CACNB4: variants seen among roughly 807,000 people sequenced by gnomAD.
CACNB4 encodes the protein calcium voltage-gated channel auxiliary subunit beta 4.
Under a neutral mutation model 71.2 loss-of-function variants are expected in CACNB4, and 32 were observed. That is an observed-to-expected ratio of 0.45 (90% CI 0.34 to 0.60). The LOEUF is 0.60. Among genes scored for constraint, CACNB4 ranks in the 20% least tolerant of loss-of-function variants. The pLI is 0.01. For missense variants in CACNB4, 464 were observed against 647.9 expected, an observed-to-expected ratio of 0.72 and a Z score of 3.08; for synonymous variants, 231 against 236.9, an observed-to-expected ratio of 0.97 and a Z score of 0.23.
intron 2 of CACNB4, among the ~76,000 whole-genome samples, chr2:152,085,293 G>T (rs1051456185): frequency 6.6e-6 from 1 of 152,138 alleles, no homozygotes; most frequent in Non-Finnish European, 1.5e-5. Context: ...CGGCTGCTTT[G>T]TTGGGGTGCG....
chr2:151,902,481 C>A (rs575124481), intron 2 of CACNB4, among the ~76,000 whole-genome samples: 3 of 152,186 alleles, frequency 2.0e-5, no homozygotes, highest in African/African-American at 7.2e-5. Flanking sequence ...CTACTTATAC[C>A]TAAACAACTA....
At chr2:151,915,559 G>A (rs1354295936) in intron 2 of CACNB4, among the ~76,000 whole-genome samples, 2 of 152,184 alleles carry the variant, frequency 1.3e-5, no homozygotes, top group Non-Finnish European at 2.9e-5. Flanking sequence ...GAATGTGCTC[G>A]TGGCCAGGCA....
At chr2:151,992,708 C>T (rs1259338586) in intron 2 of CACNB4, among the ~76,000 whole-genome samples, 3 of 152,182 alleles carry the variant, frequency 2.0e-5, no homozygotes, top group Non-Finnish European at 2.9e-5. Flanking sequence ...GCCACCATTG[C>T]AATCAGGAAG....
At chr2:151,842,138 A>T (rs1210461474) in intron 12 of CACNB4, 50 bp from the exon 13 acceptor site, 2 of 1,498,190 alleles carry the variant, frequency 1.3e-6, no homozygotes, top group Non-Finnish European at 1.9e-6. Context: ...GTTTTAGGCA[A>T]TGAAACCTAA....
chr2:152,010,911 G>C (rs951334340), intron 2 of CACNB4, among the ~76,000 whole-genome samples: 6 of 152,220 alleles, frequency 3.9e-5, no homozygotes, highest in African/African-American at 1.2e-4. Flanking sequence ...TCCTGTAAGA[G>C]ATGGTGAGGG....
At chr2:151,899,419 AC>A (rs1164061751) in intron 2 of CACNB4, among the ~76,000 whole-genome samples, 1 of 152,110 alleles carries the variant, frequency 6.6e-6, no homozygotes, top group African/African-American at 2.4e-5. Flanking sequence ...CCCTTATATA[AC>A]TTCCCCAGGG....
intron 2 of CACNB4, among the ~76,000 whole-genome samples, chr2:152,092,430 G>A (rs1294784113): frequency 2.0e-5 from 3 of 152,122 alleles, no homozygotes; most frequent in African/African-American, 7.2e-5. Context: ...AAATCTGAAT[G>A]TTTTAGATCT....
intron 2 of CACNB4, among the ~76,000 whole-genome samples, chr2:151,928,643 G>C (rs184990875): frequency 1.6e-4 from 24 of 152,178 alleles, no homozygotes; most frequent in African/African-American, 5.8e-4. Flanking sequence ...AAACAAAAAG[G>C]CTGGGTGCAG....
intron 2 of CACNB4, among the ~76,000 whole-genome samples, chr2:152,024,501 C>T (rs1683857127): frequency 6.6e-6 from 1 of 152,148 alleles, no homozygotes; most frequent in African/African-American, 2.4e-5. Context: ...GCATAGACAA[C>T]AATGTAATTT....
chr2:151,868,604 C>A (rs546482135), intron 9 of CACNB4: 1 of 151,978 alleles, frequency 6.6e-6, no homozygotes, highest in Non-Finnish European at 1.5e-5. Flanking sequence ...AAAAAAAGAT[C>A]AATAAAATAA....
intron 2 of CACNB4, among the ~76,000 whole-genome samples, chr2:151,890,435 A>T (rs572216239): frequency 1.6e-4 from 25 of 152,334 alleles, no homozygotes; most frequent in Admixed American, 2.6e-4. Context: ...ATCAACCCTA[A>T]GAAGTAAGTT....
At chr2:151,942,456 CAT>C (rs780006161) in intron 2 of CACNB4, among the ~76,000 whole-genome samples, 10 of 149,054 alleles carry the variant, frequency 6.7e-5, no homozygotes, top group East Asian at 3.9e-4. Context: ...GATTGTAAAA[CAT>C]GTGTGTTTGA....
At chr2:151,870,793 G>GTA in intron 7 of CACNB4, 49 bp downstream of exon 7, 1 of 1,480,060 alleles carries the variant, frequency 6.8e-7, no homozygotes, top group Non-Finnish European at 9.4e-7. Flanking sequence ...TTGCAGGCAT[G>GTA]TATATATAGG....
chr2:151,980,791 A>G (rs2099874586), intron 2 of CACNB4, among the ~76,000 whole-genome samples: 1 of 152,238 alleles, frequency 6.6e-6, no homozygotes, highest in Non-Finnish European at 1.5e-5. Flanking sequence ...TCCTGTTCAG[A>G]TTCAGATTCT....
chr2:152,029,507 AAAAAG>A lies in CACNB4; in HGVS notation c.147+68818_147+68822del, dbSNP rs70974818. On this transcript the variant is annotated intron_variant, in intron 2 of 13. Transcript: ENST00000539935. ...AGACTCGATCTCAAAAAAAAAAAAA[AAAAAG>A]AAAAGAAAAGAAAAGAAAAGAAAAG... Among the ~76,000 whole-genome samples the A allele has an allele frequency of 8.1e-3, 853 of 104,692 alleles. 2 individuals are homozygous for A. The highest frequency in any genetic ancestry group is 0.014 in the Middle Eastern group (3 of 218). The allele number at this position is 104,692 out of a possible 152,430, so 68.7% of individuals were successfully genotyped here. A position where few individuals can be genotyped will look rare whatever the true frequency, so the allele number is the denominator to read the frequency against.
At chr2:151,842,818 G>A (rs1180990717) in intron 12 of CACNB4, among the ~76,000 whole-genome samples, 2 of 152,064 alleles carry the variant, frequency 1.3e-5, no homozygotes, top group African/African-American at 4.8e-5. Flanking sequence ...GACATGTTTT[G>A]GGCAATGACC....
chr2:151,953,651 C>T (rs2099867485), intron 2 of CACNB4, among the ~76,000 whole-genome samples: 1 of 152,048 alleles, frequency 6.6e-6, no homozygotes, highest in Non-Finnish European at 1.5e-5. Flanking sequence ...TTTACAAACA[C>T]AAAGTCCATC....
intron 4 of CACNB4, among the ~76,000 whole-genome samples, chr2:151,877,589 G>A (rs763602505): frequency 2.6e-5 from 4 of 152,116 alleles, no homozygotes; most frequent in East Asian, 1.9e-4. Context: ...AAAATTCCAC[G>A]ATACTATCTG....
At chr2:151,963,311 C>CAAAAA in intron 2 of CACNB4, among the ~76,000 whole-genome samples, 1 of 60,394 alleles carries the variant, frequency 1.7e-5, no homozygotes, top group Non-Finnish European at 3.3e-5. Flanking sequence ...GACACCGTCT[C>CAAAAA]AAAAAAAAAA....
Sources: gnomAD v4.1 joint callset for allele counts (sites outside exome capture counted in the v4.1 genomes callset) on GRCh38, gnomAD v4.1.1 for gene constraint, MANE v1.5 for transcripts, NCBI Gene and HGNC (gene_info 2026-07-23, HGNC 2026-07-21) for gene names.